Variants in DCHS2 observed in about 807,000 individuals in gnomAD.
DCHS2 encodes dachsous cadherin-related 2, also known as protocadherin-23.
DCHS2 carries 142 observed loss-of-function variants against 182.4 expected under a neutral mutation model. The ratio of observed to expected loss-of-function variants is 0.78; its 90% CI spans 0.68 to 0.89. DCHS2 has a LOEUF of 0.89. Ranked by LOEUF, DCHS2 falls within the 40% of genes least tolerant of loss-of-function variation. The pLI, the probability that DCHS2 is intolerant of heterozygous loss-of-function variation, is 0.00. For synonymous variants in DCHS2, 1,740 were observed against 1,663.3 expected (o/e 1.05, Z -1.12); for missense variants, 4,319 against 4,198.6 (o/e 1.03, Z -0.79).
Position 154,328,177 on chromosome 4 carries a change from G to A in DCHS2, c.3934C>T (p.Pro1312Ser). 2 of 1,606,094 alleles carry A rather than the reference G, an allele frequency of 1.2e-6. No homozygotes were observed. Among genetic ancestry groups the A allele is most frequent in the Non-Finnish European group, 8.5e-7 (1 of 1,176,656 alleles). Residue 1312 changes from proline (P) to serine (S), a missense_variant, in exon 7 of 20, where the codon CCA becomes TCA. Pro to Ser is a moderately conservative substitution (Grantham distance 74, BLOSUM62 -1). Transcript: ENST00000357232. ...ELHVKVLEGQ[P>S]VNMLVTTVFA... is the part of the protein sequence containing the mutation. ...ACAGTTGTAACCAACATATTTACTG[G>A]TTGACCTTCCAGAACCTGCCATTAA...
At chr4:154,412,241 C>T (rs1732661702) in intron 1 of DCHS2, among the ~76,000 whole-genome samples, 1 of 152,162 alleles carries the variant, frequency 6.6e-6, no homozygotes. Context: ...GAAACCTCTG[C>T]ATGTCTCTAA....
At position 154,490,989 on chromosome 4, in the gene DCHS2, C is replaced by G; in HGVS notation, c.367G>C (p.Gly123Arg). Residue 123 changes from glycine to arginine, a missense_variant, in exon 1 of 20, where the codon GGC becomes CGC. Coordinates refer to ENST00000357232, the MANE Select transcript of DCHS2 (RefSeq NM_001358235.2). ...AGGCGCCGCGCAGTGCGGATGATGC[C>G]GGTGTCCGGGTGCACGTGGAAGTCG... Reference protein sequence around the residue: ...LDDFHVHPDTGIIRTARRLDR... With the variant: ...LDDFHVHPDTRIIRTARRLDR... 3 of 1,550,372 alleles carry G rather than the reference C, an allele frequency of 1.9e-6. No homozygotes were observed. Among genetic ancestry groups the G allele is most frequent in the Non-Finnish European group, 2.6e-6 (3 of 1,146,302 alleles).
chr4:154,472,541 G>C (rs934934653), intron 1 of DCHS2, among the ~76,000 whole-genome samples: 1 of 151,994 alleles, frequency 6.6e-6, no homozygotes, highest in Non-Finnish European at 1.5e-5. Flanking sequence ...CTAAACTTTT[G>C]GCATACACAA....
chr4:154,272,274 C>G (rs1578891996), intron 13 of DCHS2: 1 of 4,760 alleles, frequency 2.1e-4, no homozygotes, highest in Admixed American at 1.1e-3. Context: ...TGATCAAGGC[C>G]TAAATACCTA....
intron 1 of DCHS2, among the ~76,000 whole-genome samples, chr4:154,400,817 C>G (rs986442352): frequency 6.6e-6 from 1 of 152,180 alleles, no homozygotes; most frequent in Non-Finnish European, 1.5e-5. Context: ...CCAGTTTGCT[C>G]TCTGTCCACC....
intron 3 of DCHS2, chr4:154,357,320 GAGTCCTAATTAGGGAAAAGGAGCC>G (rs750305920): frequency 6.2e-7 from 1 of 1,607,098 alleles, no homozygotes; most frequent in African/African-American, 1.3e-5. Context: ...CTGGACTATA[GAGTCCTAATTAGGGAAAAGGAGCC>G]AGGCTGGTGG....
rs1227026062 is a variant in DCHS2, at chr4:154,235,963, G to A, written c.8689C>T (p.Gln2897Ter). The A allele has an allele frequency of 6.2e-7, 1 of 1,614,012 alleles. No homozygotes were observed. Among genetic ancestry groups the A allele is most frequent in the Middle Eastern group, 1.7e-4 (1 of 6,060 alleles). Residue 2897 changes from glutamine to a stop codon, truncating the protein, a stop_gained, in exon 20 of 20, where the codon CAG (glutamine) becomes TAG (stop). Coordinates refer to ENST00000357232, the MANE Select transcript of DCHS2 (RefSeq NM_001358235.2). LOFTEE classifies it low-confidence loss of function (END_TRUNC). ...GAGGCTTCCACTCTGCCAATCAACT[G>A]TCTGTCTTTATTCTTTTCTGGGAGG... ...FTLPEKNKDR[Q>*]LIGRVEASDA...
Position 154,490,423 on chromosome 4 carries a change from C to T in DCHS2, c.933G>A (p.Pro311=), listed in dbSNP as rs2111058236. The change falls in exon 1 of 20, where the codon CCG becomes CCA. Residue 311 remains proline, a synonymous_variant. Coordinates refer to ENST00000357232, the MANE Select transcript of DCHS2 (RefSeq NM_001358235.2). ...CGCGCACGCGACAGACCTCGGCGCC[C>T]GGCTGGGCGTCCTCGCGCACCGCGG... ...YRAAVREDAQ[P]GAEVCRVRAT... 6.5e-7 allele frequency: 1 copy of T among 1,533,672 alleles called. No homozygotes were observed.
intron 1 of DCHS2, among the ~76,000 whole-genome samples, chr4:154,393,563 C>A (rs1206212088): frequency 6.6e-6 from 1 of 152,178 alleles, no homozygotes; most frequent in Non-Finnish European, 1.5e-5. Context: ...TAAATTCTGG[C>A]TATGTCCAAA....
chr4:154,438,808 A>G (rs1267340519), intron 1 of DCHS2, among the ~76,000 whole-genome samples: 1 of 152,222 alleles, frequency 6.6e-6, no homozygotes, highest in Non-Finnish European at 1.5e-5. Flanking sequence ...GCAGCAATAC[A>G]TGAATACAAA....
At chr4:154,392,349 C>A (rs1453930998) in intron 1 of DCHS2, among the ~76,000 whole-genome samples, 1 of 152,166 alleles carries the variant, frequency 6.6e-6, no homozygotes, top group Non-Finnish European at 1.5e-5. Context: ...GCACAGAGGT[C>A]TTCCCAGTGG....
chr4:154,489,950 A>G lies in DCHS2; in HGVS notation c.1406T>C (p.Leu469Pro). ...GTCTCCCTCTCCGCCTTCCAAGGAC[A>G]GAGAGATGCTCCCGTCTCCAAGACC... ...GVGLGDGSIS[L>P]SLEGGEGDFA... The change falls in exon 1 of 20, where the codon CTG (leucine) becomes CCG (proline). Residue 469 changes from leucine to proline, a missense_variant. Transcript: ENST00000357232. 1 of 1,543,612 alleles carries G rather than the reference A, an allele frequency of 6.5e-7. No individual in the cohort carries two copies. Among genetic ancestry groups the G allele is most frequent in the Non-Finnish European group, 8.8e-7 (1 of 1,141,622 alleles).
intron 15 of DCHS2, among the ~76,000 whole-genome samples, chr4:154,256,308 A>AT (rs1310641040): frequency 6.6e-6 from 1 of 151,822 alleles, no homozygotes; most frequent in Non-Finnish European, 1.5e-5. Context: ...TAATTTTTGT[A>AT]TTTTTTTGTA....
intron 1 of DCHS2, among the ~76,000 whole-genome samples, chr4:154,441,110 T>C (rs1560760035): frequency 1.3e-5 from 2 of 152,320 alleles, no homozygotes; most frequent in Non-Finnish European, 2.9e-5. Flanking sequence ...TATTAGATTG[T>C]TGTTAAAAGA....
intron 2 of DCHS2, among the ~76,000 whole-genome samples, chr4:154,372,566 AATAGAG>A (rs1292487858): frequency 1.3e-5 from 2 of 152,194 alleles, no homozygotes; most frequent in Admixed American, 6.5e-5. Context: ...TGTAACAAAA[AATAGAG>A]ATAGAGTGTT....
At chr4:154,316,032 T>C (rs746752254) in intron 9 of DCHS2, 45 bp from the exon 10 acceptor site, 18 of 1,606,060 alleles carry the variant, frequency 1.1e-5, no homozygotes, top group Middle Eastern at 3.3e-4. Flanking sequence ...GAATATTCTT[T>C]AGAGAAGTCA....
At chr4:154,308,596 A>AGAG (rs919992331) in intron 10 of DCHS2, among the ~76,000 whole-genome samples, 10 of 152,356 alleles carry the variant, frequency 6.6e-5, no homozygotes, top group African/African-American at 2.2e-4. Context: ...GTTTCTCTCT[A>AGAG]GAGTGGAAGA....
chr4:154,389,535 T>TATATATATATATATATATATATATATAA (rs1243968167), intron 1 of DCHS2, among the ~76,000 whole-genome samples: 3 of 146,080 alleles, frequency 2.1e-5, no homozygotes, highest in Non-Finnish European at 3.0e-5. Flanking sequence ...TATATATATA[T>TATATATATATATATATATATATATATAA]AACCTTTTTT....
chr4:154,441,057 T>C (rs1733991814), intron 1 of DCHS2, among the ~76,000 whole-genome samples: 1 of 152,206 alleles, frequency 6.6e-6, no homozygotes, highest in South Asian at 2.1e-4. Context: ...TTTGCTGGCA[T>C]GGGCAAAAAT....
Sources: allele counts gnomAD v4.1 joint callset (sites outside exome capture counted in the v4.1 genomes callset), GRCh38; gene constraint gnomAD v4.1.1; transcripts MANE v1.5; gene names NCBI Gene and HGNC (gene_info 2026-07-23, HGNC 2026-07-21).